The following SKIL variants were observed in gnomAD, a reference collection of about 807,000 sequenced individuals.
The protein encoded by SKIL is ski-like protein.
Under a neutral mutation model 69.6 loss-of-function variants are expected in SKIL, and 20 were observed. That is an observed-to-expected ratio of 0.29 (90% CI 0.20 to 0.42). SKIL has a LOEUF of 0.42. SKIL is among the 10% of genes least tolerant of loss of function. The pLI is 1.00. For synonymous variants in SKIL, 310 were observed against 279.9 expected, an observed-to-expected ratio of 1.11 and a Z score of -1.08; for missense variants, 745 against 783.1, an observed-to-expected ratio of 0.95 and a Z score of 0.58.
At chr3:170,372,121 A>G (rs1222008197) in intron 2 of SKIL, among the ~76,000 whole-genome samples, 1 of 152,240 alleles carries the variant, frequency 6.6e-6, no homozygotes, top group African/African-American at 2.4e-5. Flanking sequence ...TTTATTGGGC[A>G]TCACAGACCT....
At chr3:170,369,610 C>G (rs1736701535) in intron 2 of SKIL, among the ~76,000 whole-genome samples, 1 of 152,084 alleles carries the variant, frequency 6.6e-6, no homozygotes, top group Non-Finnish European at 1.5e-5. Flanking sequence ...CCATATTGGT[C>G]AGGCTGATCT....
chr3:170,384,372 C>T (rs1737511431), intron 3 of SKIL, among the ~76,000 whole-genome samples, 161 bp from the exon 4 acceptor site: 1 of 151,582 alleles, frequency 6.6e-6, no homozygotes, highest in East Asian at 1.9e-4. Flanking sequence ...TGATTTTTTT[C>T]CTAAGAATTC....
chr3:170,388,655 C>G (rs1023918220), intron 4 of SKIL, among the ~76,000 whole-genome samples: 2 of 151,974 alleles, frequency 1.3e-5, no homozygotes, highest in African/African-American at 4.8e-5. Flanking sequence ...GTCTCAAACT[C>G]GTGAGCTTAA....
chr3:170,376,799 C>T (rs767956455), intron 2 of SKIL, among the ~76,000 whole-genome samples: 5 of 151,990 alleles, frequency 3.3e-5, no homozygotes, highest in Non-Finnish European at 7.4e-5. Context: ...CAGTCTCAAA[C>T]TCCTGAGCTG....
chr3:170,374,478 A>G (rs1736938068), intron 2 of SKIL, among the ~76,000 whole-genome samples: 1 of 152,234 alleles, frequency 6.6e-6, no homozygotes, highest in Non-Finnish European at 1.5e-5. Flanking sequence ...AAATACACAT[A>G]AAAATAAATG....
At chr3:170,375,610 G>C (rs991311995) in intron 2 of SKIL, among the ~76,000 whole-genome samples, 1 of 151,966 alleles carries the variant, frequency 6.6e-6, no homozygotes, top group Admixed American at 6.6e-5. Context: ...GCCCCACACT[G>C]TTGCCTAGGC....
chr3:170,391,269 T>TA lies in SKIL; in HGVS notation c.1896+10dup. 6.9e-7 allele frequency: 1 copy of TA among 1,455,614 alleles called. No individual in the cohort carries two copies. The highest frequency in any genetic ancestry group is 9.6e-7 in the Non-Finnish European group (1 of 1,044,962). The allele number at this position is 1,455,614 out of a possible 1,614,324, so 90.2% of individuals were successfully genotyped here. On this transcript the variant is annotated intron_variant, in intron 6 of 6. Transcript: ENST00000259119. ...CTGAATATGCAGGACAGGTAAGAAT[T>TA]ACTGTTTGTATAATGGTGCCCTTTC...
chr3:170,390,085 T>G lies in SKIL; in HGVS notation c.1430-138T>G. 4.5e-6 allele frequency: 3 copies of G among 664,284 alleles called. No individual in the cohort carries two copies. The South Asian group carries it at 6.2e-5, about 14-fold the overall frequency. 41.1% of individuals were successfully genotyped at this position (664,284 alleles called of 1,614,324 possible). A position where few individuals can be genotyped will look rare whatever the true frequency, so the allele number is the denominator to read the frequency against. On this transcript the variant is annotated intron_variant, in intron 4 of 6. Coordinates refer to ENST00000259119, the MANE Select transcript of SKIL (RefSeq NM_005414.5). ...TTTCATTGTACTTGCACTGCTTTTGTTAAATTTATTCCTATTTTATTTGTT... is the reference window on the plus strand; with the variant it reads ...TTTCATTGTACTTGCACTGCTTTTGGTAAATTTATTCCTATTTTATTTGTT...
intron 2 of SKIL, among the ~76,000 whole-genome samples, chr3:170,369,518 C>T (rs941414119): frequency 3.9e-5 from 6 of 152,134 alleles, no homozygotes; most frequent in Non-Finnish European, 8.8e-5. Flanking sequence ...TCTCATGCCT[C>T]AGCCTCCCTA....
chr3:170,364,868 T>G (rs918499132), intron 2 of SKIL, among the ~76,000 whole-genome samples: 5 of 152,190 alleles, frequency 3.3e-5, no homozygotes, highest in Non-Finnish European at 7.3e-5. Context: ...CATTTTCGAT[T>G]TTAGGAAGGT....
In SKIL at chr3:170,359,925, A is replaced by G. The variant is rs3772172; in HGVS notation, c.-407A>G. On this transcript the variant is annotated 5_prime_UTR_variant, in exon 2 of 7. Transcript: ENST00000259119. ...CATTTTGACTTGTGTTTGAGTCTAG[A>G]TTTTATGGCACAAGGAATGGCATAA... The G allele has an allele frequency of 0.75, 116,521 of 155,474 alleles. 44,430 individuals are homozygous for G. Among genetic ancestry groups the G allele is most frequent in the East Asian group, 0.84 (4,419 of 5,234 alleles). The allele number at this position is 155,474 out of a possible 1,614,324, so 9.6% of individuals were successfully genotyped here.
intron 2 of SKIL, among the ~76,000 whole-genome samples, chr3:170,372,125 C>T (rs1287095610): frequency 6.6e-6 from 1 of 152,186 alleles, no homozygotes; most frequent in East Asian, 1.9e-4. Flanking sequence ...TTGGGCATCA[C>T]AGACCTTCAG....
intron 2 of SKIL, among the ~76,000 whole-genome samples, chr3:170,366,349 T>C (rs1736511276): frequency 6.6e-6 from 1 of 152,086 alleles, no homozygotes; most frequent in African/African-American, 2.4e-5. Flanking sequence ...TAAATATAGC[T>C]AATAACTCTT....
At position 170,361,222 on chromosome 3, in the gene SKIL, G is replaced by A. The variant is rs1221277329; in HGVS notation, c.891G>A (p.Met297Ile). 6.8e-6 allele frequency: 11 copies of A among 1,614,032 alleles called. No homozygotes were observed. In the South Asian group the frequency reaches 9.9e-5, roughly 15 times the overall value. ...TTCAATGTCTGGAGTGTTGTGGAAT[G>A]TTTGCACCCCAGACGTTTGTGATGC... ...PCIQCLECCG[M>I]FAPQTFVMHS... Residue 297 changes from methionine to isoleucine, a missense_variant, in exon 2 of 7, where the codon ATG becomes ATA. Coordinates refer to ENST00000259119, the MANE Select transcript of SKIL (RefSeq NM_005414.5).
chr3:170,396,706 A>C lies in SKIL; in HGVS notation c.*4289A>C, dbSNP rs968010539. On this transcript the variant is annotated 3_prime_UTR_variant, in exon 7 of 7. Transcript: ENST00000259119. ...ACAAATTTTGAATTATATTTATTGA[A>C]ACATGACATACTGTGCTCTGAGCTT... 3 of 152,220 alleles carry C rather than the reference A, an allele frequency of 2.0e-5. No individual in the cohort carries two copies. Among genetic ancestry groups the C allele is most frequent in the African/African-American group, 7.2e-5 (3 of 41,466 alleles). The allele number at this position is 152,220 out of a possible 1,614,324, so 9.4% of individuals were successfully genotyped here.
At chr3:170,380,632 G>T (rs1737289008) in intron 2 of SKIL, among the ~76,000 whole-genome samples, 2 of 150,682 alleles carry the variant, frequency 1.3e-5, no homozygotes, top group South Asian at 4.2e-4. Flanking sequence ...GACAGAGCGA[G>T]ACTCCATCTC....
At chr3:170,374,795 T>A (rs906546444) in intron 2 of SKIL, among the ~76,000 whole-genome samples, 38 of 152,364 alleles carry the variant, frequency 2.5e-4, no homozygotes, top group Admixed American at 5.9e-4. Flanking sequence ...CAACATTTTA[T>A]CATGGTTAGT....
intron 4 of SKIL, among the ~76,000 whole-genome samples, chr3:170,386,954 G>C (rs1311686397): frequency 1.3e-5 from 2 of 152,002 alleles, no homozygotes; most frequent in Non-Finnish European, 2.9e-5. Context: ...ACAATTCAGT[G>C]GTTTTTAATA....
chr3:170,360,044 T>A lies in SKIL; in HGVS notation c.-288T>A, dbSNP rs953085982. 4 of 284,784 alleles carry A rather than the reference T, an allele frequency of 1.4e-5. No individual in the cohort carries two copies. Among genetic ancestry groups the A allele is most frequent in the African/African-American group, 8.8e-5 (4 of 45,546 alleles). 17.6% of individuals were successfully genotyped at this position (284,784 alleles called of 1,614,324 possible). On this transcript the variant is annotated 5_prime_UTR_variant, in exon 2 of 7. An upstream open reading frame in the 5' UTR gains an earlier in-frame stop. Transcript: ENST00000259119. ...ATTGGTAACTTTATTTTAATATGTATATCTGAAGAATTCAAGAAAACAAAG... is the reference window on the plus strand; with the variant it reads ...ATTGGTAACTTTATTTTAATATGTAAATCTGAAGAATTCAAGAAAACAAAG...
Sources: allele counts gnomAD v4.1 joint callset (sites outside exome capture counted in the v4.1 genomes callset), GRCh38; gene constraint gnomAD v4.1.1; transcripts MANE v1.5; gene names NCBI Gene and HGNC (gene_info 2026-07-23, HGNC 2026-07-21).